Variants in LAMA2 observed in about 807,000 individuals in gnomAD.
The protein encoded by LAMA2 is laminin subunit alpha 2.
A neutral mutation model predicts 364.8 loss-of-function variants in LAMA2; 269 were observed. The ratio of observed to expected loss-of-function variants is 0.74; its 90% CI spans 0.67 to 0.82. The LOEUF (loss-of-function observed/expected upper bound fraction) is 0.82, where lower values mean the gene tolerates loss of function less well. Ranked by LOEUF, LAMA2 falls within the 40% of genes least tolerant of loss-of-function variation. LAMA2 has a pLI of 0.00. For missense variants in LAMA2, 3,807 were observed against 3,873.2 expected (o/e 0.98, Z 0.45); for synonymous variants, 1,379 against 1,370.6 (o/e 1.01, Z -0.14).
rs1420468805 is a variant in LAMA2 at position 129,486,470 on chromosome 6, G to T, written c.7750-4G>T. The T allele has an allele frequency of 6.2e-6, 10 of 1,613,094 alleles. No individual in the cohort carries two copies. The highest frequency in any genetic ancestry group is 1.3e-5 in the African/African-American group (1 of 74,886). ...TAATCTTCAATAACCACTTGCTGTT[G>T]CAGGCCTATTATGCAATACTCCTCA... On this transcript the variant is annotated splice_polypyrimidine_tract_variant and splice_region_variant and intron_variant, in intron 55 of 64. Transcript: ENST00000421865.
At position 129,403,900 on chromosome 6, in the gene LAMA2, G is replaced by C. The variant is rs1188862884; in HGVS notation, c.5806G>C (p.Asp1936His). ...TTACAGCAATATTAAGGACTATATT[G>C]ATGAAGCTGAGAAAGTTGCCAAAGA... is the stretch of plus-strand genomic sequence containing the variant. ...KAYSNIKDYIDEAEKVAKEAK... is the reference protein window; with the variant it reads ...KAYSNIKDYIHEAEKVAKEAK... The change falls in exon 40 of 65, where the codon GAT (aspartate) becomes CAT (histidine). Residue 1936 changes from aspartate to histidine, a missense_variant. Physicochemically the swap from Asp to His is moderately conservative, Grantham distance 81 (BLOSUM62 -1). Coordinates refer to ENST00000421865, the MANE Select transcript of LAMA2 (RefSeq NM_000426.4). The C allele has an allele frequency of 6.2e-7, 1 of 1,613,886 alleles. No homozygotes were observed.
chr6:129,458,032 C>G (rs903953392), intron 48 of LAMA2, among the ~76,000 whole-genome samples: 1 of 152,132 alleles, frequency 6.6e-6, no homozygotes, highest in African/African-American at 2.4e-5. Context: ...TTGAGAGGGA[C>G]ACAGACATTC....
At chr6:129,507,696 C>A in intron 62 of LAMA2, 54 bp downstream of exon 62, 1 of 1,551,736 alleles carries the variant, frequency 6.4e-7, no homozygotes, top group Non-Finnish European at 8.9e-7. Flanking sequence ...CAAATACTAA[C>A]TTCTTGCTAG....
intron 10 of LAMA2, among the ~76,000 whole-genome samples, chr6:129,184,394 A>C (rs1781109467): frequency 6.6e-6 from 1 of 151,892 alleles, no homozygotes; most frequent in Non-Finnish European, 1.5e-5. Flanking sequence ...TATGTTAGTC[A>C]ATTTTTTACA....
chr6:129,473,358 T>G lies in LAMA2; in HGVS notation c.7439+6T>G, dbSNP rs767494596. On this transcript the variant is annotated splice_donor_region_variant and intron_variant, in intron 52 of 64. Coordinates refer to ENST00000421865, the MANE Select transcript of LAMA2 (RefSeq NM_000426.4). Reference sequence around the variant, plus strand: ...CCAACGCTGAGAAACTTGAGGTAATTTAGTTTATATGTAAAGCTAAGGATT... The same window carrying G: ...CCAACGCTGAGAAACTTGAGGTAATGTAGTTTATATGTAAAGCTAAGGATT... The G allele has an allele frequency of 1.2e-6, 2 of 1,611,408 alleles. No homozygotes were observed. Among genetic ancestry groups the G allele is most frequent in the Non-Finnish European group, 1.7e-6 (2 of 1,178,116 alleles).
In LAMA2 at chr6:129,391,498, T is replaced by C. The variant is rs752400396; in HGVS notation, c.5079T>C (p.Asn1693=). Residue 1693 remains asparagine (N), a synonymous_variant, in exon 36 of 65, where the codon AAT becomes AAC. Coordinates refer to ENST00000421865, the MANE Select transcript of LAMA2 (RefSeq NM_000426.4). ...TTGTTTTACCCCCTGCAGCTGTAAA[T>C]GAAAAAGCTATAAAACTAAATGAAA... The part of the protein sequence containing the change: ...KELARDAEAV[N]EKAIKLNETL... 32 of 1,613,600 alleles carry C rather than the reference T, an allele frequency of 2.0e-5. No homozygotes were observed. The South Asian group carries it at 3.4e-4, about 17-fold the overall frequency.
chr6:129,110,003 T>C (rs1168978215), intron 4 of LAMA2, among the ~76,000 whole-genome samples: 5 of 152,030 alleles, frequency 3.3e-5, no homozygotes, highest in African/African-American at 1.2e-4. Flanking sequence ...GTGGACCTGT[T>C]ACTTCTTGTG....
At chr6:129,141,398 A>T (rs1026964970) in intron 4 of LAMA2, among the ~76,000 whole-genome samples, 2 of 152,098 alleles carry the variant, frequency 1.3e-5, no homozygotes, top group African/African-American at 4.8e-5. Context: ...GAATCCCTGC[A>T]TTAGAGAGGA....
Position 129,241,995 on chromosome 6 carries a change from C to T in LAMA2, c.1783-8117C>T, listed in dbSNP as rs1785421979. ...GGTTGGTGTTCTGGCTTCTGCTTTT[C>T]TGGGAAATACGTTGTCTGCTATTTC... On this transcript the variant is annotated intron_variant, in intron 12 of 64. Coordinates refer to ENST00000421865, the MANE Select transcript of LAMA2 (RefSeq NM_000426.4). Among the ~76,000 whole-genome samples the T allele has an allele frequency of 2.0e-5, 3 of 152,158 alleles. No individual in the cohort carries two copies. In the South Asian group the frequency reaches 6.2e-4, roughly 32 times the overall value.
intron 47 of LAMA2, 79 bp from the exon 48 acceptor site, chr6:129,456,256 A>ATC (rs1490719203): frequency 1.3e-5 from 18 of 1,354,732 alleles, no homozygotes; most frequent in Admixed American, 5.1e-5. Flanking sequence ...TATCTTTTAA[A>ATC]TCTGGAATTA....
chr6:128,905,709 G>C (rs1206406715), intron 1 of LAMA2: 1 of 151,070 alleles, frequency 6.6e-6, no homozygotes, highest in Non-Finnish European at 1.5e-5. Flanking sequence ...ATGTATACAT[G>C]TGCCATGCTG....
At chr6:129,072,458 G>GTA in intron 3 of LAMA2, among the ~76,000 whole-genome samples, 1 of 152,022 alleles carries the variant, frequency 6.6e-6, no homozygotes, top group South Asian at 2.1e-4. Flanking sequence ...TATTTAAGGT[G>GTA]TATCTTCTGT....
chr6:129,370,146 C>A lies in LAMA2; in HGVS notation c.4959+156C>A, dbSNP rs141770842. On this transcript the variant is annotated intron_variant, in intron 34 of 64. Transcript: ENST00000421865. ...CTGACTTGCTAATTCTGCTTCAAAT[C>A]AAATCATAGAAATCAGTAGCACGCA... Among the ~76,000 whole-genome samples the A allele has an allele frequency of 1.8e-3, 270 of 152,294 alleles. 2 individuals are homozygous for A. The highest frequency in any genetic ancestry group is 6.5e-3 in the African/African-American group (269 of 41,574).
chr6:129,073,041 C>T (rs1312620649), intron 3 of LAMA2, among the ~76,000 whole-genome samples: 10 of 151,964 alleles, frequency 6.6e-5, no homozygotes, highest in Non-Finnish European at 1.5e-5. Context: ...TAAATGAAAG[C>T]CTGCTAGTGA....
At chr6:129,129,872 C>T (rs1224526034) in intron 4 of LAMA2, among the ~76,000 whole-genome samples, 3 of 141,830 alleles carry the variant, frequency 2.1e-5, no homozygotes, top group African/African-American at 5.3e-5. Flanking sequence ...TGCAGTGAGC[C>T]GAGATCCCGC....
chr6:129,060,506 G>C (rs1174360081), intron 3 of LAMA2, among the ~76,000 whole-genome samples: 1 of 152,186 alleles, frequency 6.6e-6, no homozygotes, highest in South Asian at 2.1e-4. Context: ...TCAGGCTGAA[G>C]TTATTAATCA....
intron 10 of LAMA2, among the ~76,000 whole-genome samples, chr6:129,188,984 A>G (rs937919400): frequency 2.0e-5 from 3 of 152,058 alleles, no homozygotes; most frequent in African/African-American, 2.4e-5. Context: ...TTTGCTATGC[A>G]TGAAAAACAT....
At chr6:129,074,743 A>G (rs4543385) in intron 3 of LAMA2, among the ~76,000 whole-genome samples, 144,996 of 152,286 alleles carry the variant, frequency 0.95, 69,107 homozygotes, top group East Asian at 0.97. Flanking sequence ...TATTAAAACA[A>G]TAATTATTGG....
chr6:129,224,676 G>C (rs186634033), intron 12 of LAMA2, among the ~76,000 whole-genome samples: 4 of 152,186 alleles, frequency 2.6e-5, no homozygotes, highest in Non-Finnish European at 5.9e-5. Flanking sequence ...GCATCCCGTG[G>C]ATGAAGCCCA....
Sources: gnomAD v4.1 joint callset for allele counts (sites outside exome capture counted in the v4.1 genomes callset) on GRCh38, gnomAD v4.1.1 for gene constraint, MANE v1.5 for transcripts, NCBI Gene and HGNC (gene_info 2026-07-23, HGNC 2026-07-21) for gene names.